CEP126: variants seen among roughly 807,000 people sequenced by gnomAD.
CEP126 encodes the protein centrosomal protein of 126 kDa.
A neutral mutation model predicts 107.8 loss-of-function variants in CEP126; 74 were observed. The ratio of observed to expected loss-of-function variants is 0.69; its 90% CI spans 0.57 to 0.83. CEP126 has a LOEUF of 0.83. Ranked by LOEUF, CEP126 falls within the 40% of genes least tolerant of loss-of-function variation. The pLI is 0.00. For missense variants in CEP126, 1,237 were observed against 1,281.9 expected, an observed-to-expected ratio of 0.96 and a Z score of 0.53; for synonymous variants, 449 against 446.0, an observed-to-expected ratio of 1.01 and a Z score of -0.08.
intron 5 of CEP126, 33 bp from the exon 6 acceptor site, chr11:101,961,708 T>G: frequency 8.1e-7 from 1 of 1,240,028 alleles, no homozygotes; most frequent in Non-Finnish European, 1.1e-6. Flanking sequence ...TAAAAGTTTA[T>G]AAGCTATAAA....
At chr11:101,944,917 TAGTA>T (rs1289532690) in intron 3 of CEP126, among the ~76,000 whole-genome samples, 1 of 152,146 alleles carries the variant, frequency 6.6e-6, no homozygotes, top group African/African-American at 2.4e-5. Flanking sequence ...ATACCTTAAA[TAGTA>T]AGACAATTAA....
At chr11:101,954,032 G>GTTT (rs1940850967) in intron 4 of CEP126, among the ~76,000 whole-genome samples, 1 of 150,672 alleles carries the variant, frequency 6.6e-6, no homozygotes, top group South Asian at 2.1e-4. Flanking sequence ...TTGTTTGTTT[G>GTTT]TTTGTTTGTT....
chr11:101,938,332 T>C (rs1940621284), intron 2 of CEP126, among the ~76,000 whole-genome samples: 2 of 151,632 alleles, frequency 1.3e-5, no homozygotes, highest in Non-Finnish European at 2.9e-5. Flanking sequence ...CTTTTTTTCT[T>C]CATTGTTCTT....
At chr11:101,918,766 T>C (rs567031547) in intron 1 of CEP126, among the ~76,000 whole-genome samples, 19 of 152,256 alleles carry the variant, frequency 1.2e-4, no homozygotes, top group African/African-American at 3.1e-4. Context: ...GTTACAGAAA[T>C]GTAGAGAAGA....
At chr11:101,990,633 T>C (rs1941368043) in intron 9 of CEP126, among the ~76,000 whole-genome samples, 1 of 152,122 alleles carries the variant, frequency 6.6e-6, no homozygotes, top group South Asian at 2.1e-4. Flanking sequence ...AGACTGAGCC[T>C]GGACCAGGAC....
chr11:101,976,034 A>G (rs988314619), intron 6 of CEP126, among the ~76,000 whole-genome samples: 3 of 152,188 alleles, frequency 2.0e-5, no homozygotes, highest in Non-Finnish European at 4.4e-5. Context: ...TAGTACTGCA[A>G]TAAGCATACA....
chr11:101,962,831 T>G lies in CEP126; in HGVS notation c.1796T>G (p.Phe599Cys). ...AAGGCATTAATTATAAATCAGAGCT[T>G]TAAGTTTGGAAATCAAAAAGCAGCA... ...YLKALIINQS[F>C]KFGNQKAAAI... is the part of the protein sequence containing the mutation. The change falls in exon 6 of 11, where the codon TTT (phenylalanine) becomes TGT (cysteine). Residue 599 changes from phenylalanine to cysteine, a missense_variant. Physicochemically the swap from Phe to Cys is radical, Grantham distance 205. Transcript: ENST00000263468. 1 of 1,602,732 alleles carries G rather than the reference T, an allele frequency of 6.2e-7. No homozygotes were observed.
At chr11:101,940,412 A>G (rs545133828) in intron 2 of CEP126, among the ~76,000 whole-genome samples, 1 of 152,340 alleles carries the variant, frequency 6.6e-6, no homozygotes, top group South Asian at 2.1e-4. Context: ...ATTTCTCCCC[A>G]TCTCTACTAA....
chr11:101,925,867 C>A (rs1239050719), intron 2 of CEP126, among the ~76,000 whole-genome samples: 1 of 148,080 alleles, frequency 6.8e-6, no homozygotes, highest in African/African-American at 2.5e-5. Context: ...GTTGGCCAGG[C>A]TGGTCTCGAA....
At chr11:101,936,770 G>C (rs865822181) in intron 2 of CEP126, among the ~76,000 whole-genome samples, 2 of 152,132 alleles carry the variant, frequency 1.3e-5, no homozygotes, top group African/African-American at 4.8e-5. Context: ...TTATGAATGT[G>C]CATTGAATAC....
chr11:101,941,725 C>A (rs886408844), intron 2 of CEP126, among the ~76,000 whole-genome samples: 1 of 152,070 alleles, frequency 6.6e-6, no homozygotes, highest in Non-Finnish European at 1.5e-5. Context: ...TACCAATTTC[C>A]ACAGCTGCTG....
chr11:101,955,289 G>T (rs1469414953), intron 4 of CEP126, among the ~76,000 whole-genome samples: 1 of 152,192 alleles, frequency 6.6e-6, no homozygotes, highest in Non-Finnish European at 1.5e-5. Context: ...TAATATGCTT[G>T]ACCATTCTGG....
At chr11:101,923,501 CT>C (rs1401984758) in intron 2 of CEP126, among the ~76,000 whole-genome samples, 2 of 152,128 alleles carry the variant, frequency 1.3e-5, no homozygotes, top group Non-Finnish European at 2.9e-5. Flanking sequence ...AATCCCTAGA[CT>C]TTATTAACTA....
intron 4 of CEP126, among the ~76,000 whole-genome samples, chr11:101,957,480 A>G (rs1438238021): frequency 6.6e-6 from 1 of 152,236 alleles, no homozygotes; most frequent in Non-Finnish European, 1.5e-5. Flanking sequence ...CTAATAGAAA[A>G]TGATGTCATG....
intron 6 of CEP126, among the ~76,000 whole-genome samples, chr11:101,971,634 C>T (rs545017973): frequency 1.3e-5 from 2 of 152,236 alleles, no homozygotes; most frequent in South Asian, 4.2e-4. Context: ...GAGAGCTCCT[C>T]CTGCCTCAGC....
chr11:101,926,821 T>C (rs1343004430), intron 2 of CEP126, among the ~76,000 whole-genome samples: 1 of 152,152 alleles, frequency 6.6e-6, no homozygotes, highest in East Asian at 1.9e-4. Context: ...ATGATAAAAG[T>C]GGTTTGATCT....
At chr11:101,985,676 T>C (rs1270249830) in intron 8 of CEP126, among the ~76,000 whole-genome samples, 1 of 152,140 alleles carries the variant, frequency 6.6e-6, no homozygotes, top group African/African-American at 2.4e-5. Context: ...CTGAAACATA[T>C]CTAGTCCCAA....
At chr11:101,935,768 T>G (rs1321661081) in intron 2 of CEP126, among the ~76,000 whole-genome samples, 1 of 152,088 alleles carries the variant, frequency 6.6e-6, no homozygotes, top group African/African-American at 2.4e-5. Context: ...GATGAGATAA[T>G]TATTTATTAT....
Position 101,962,638 on chromosome 11 carries a change from G to A in CEP126, c.1603G>A (p.Asp535Asn). The change falls in exon 6 of 11, where the codon GAT becomes AAT. Residue 535 changes from aspartate to asparagine, a missense_variant. Asp to Asn is a conservative substitution (Grantham distance 23, BLOSUM62 1). Coordinates refer to ENST00000263468, the MANE Select transcript of CEP126 (RefSeq NM_020802.4). The stretch of plus-strand genomic sequence containing the variant: ...TATACCTCACAATCCTGATTCAAAA[G>A]ATGAAAAACAAAAATTAGCTGAAAC... ...AYIPHNPDSK[D>N]EKQKLAETSS... 6.2e-7 allele frequency: 1 copy of A among 1,612,652 alleles called. No individual in the cohort carries two copies. Among genetic ancestry groups the A allele is most frequent in the Admixed American group, 1.7e-5 (1 of 59,780 alleles).
Sources: gnomAD v4.1 joint callset for allele counts (sites outside exome capture counted in the v4.1 genomes callset) on GRCh38, gnomAD v4.1.1 for gene constraint, MANE v1.5 for transcripts, NCBI Gene and HGNC (gene_info 2026-07-23, HGNC 2026-07-21) for gene names.